Variants in KCNB2 observed in about 807,000 individuals in gnomAD.
KCNB2 encodes the protein delayed rectifier potassium channel protein.
Under a neutral mutation model 61.5 loss-of-function variants are expected in KCNB2, and 15 were observed. The ratio of observed to expected loss-of-function variants is 0.24; its 90% CI spans 0.16 to 0.38. The LOEUF (loss-of-function observed/expected upper bound fraction) is 0.38, where lower values mean the gene tolerates loss of function less well. KCNB2 is among the 10% of genes least tolerant of loss of function. The pLI is 1.00. For synonymous variants in KCNB2, 457 were observed against 446.0 expected (o/e 1.02, Z -0.31); for missense variants, 828 against 1,125.2 (o/e 0.74, Z 3.78).
chr8:72,749,622 A>C (rs982311557), intron 2 of KCNB2, among the ~76,000 whole-genome samples: 6 of 151,068 alleles, frequency 4.0e-5, no homozygotes, highest in African/African-American at 7.3e-5. Flanking sequence ...AACTATTCAG[A>C]CAAGAGAGGT....
intron 2 of KCNB2, among the ~76,000 whole-genome samples, chr8:72,770,844 G>A (rs548482480): frequency 6.6e-6 from 1 of 152,344 alleles, no homozygotes; most frequent in South Asian, 2.1e-4. Flanking sequence ...TATTCATTGT[G>A]TATAAAAGCT....
intron 2 of KCNB2, among the ~76,000 whole-genome samples, chr8:72,629,721 A>G (rs565575816): frequency 4.1e-4 from 63 of 152,312 alleles, no homozygotes; most frequent in South Asian, 1.7e-3. Flanking sequence ...CTGGGTAAGC[A>G]AGAACAACAC....
chr8:72,923,893 A>G (rs1806582180), intron 2 of KCNB2, among the ~76,000 whole-genome samples: 1 of 152,192 alleles, frequency 6.6e-6, no homozygotes, highest in Non-Finnish European at 1.5e-5. Flanking sequence ...AAAAATTGGC[A>G]TTTATACTGA....
intron 2 of KCNB2, among the ~76,000 whole-genome samples, chr8:72,658,242 A>G (rs1323467320): frequency 1.3e-5 from 2 of 152,210 alleles, no homozygotes; most frequent in East Asian, 3.8e-4. Flanking sequence ...TACTCCAGAC[A>G]ACACACAAAT....
chr8:72,695,038 C>T (rs938739137), intron 2 of KCNB2, among the ~76,000 whole-genome samples: 4 of 151,948 alleles, frequency 2.6e-5, no homozygotes, highest in African/African-American at 9.7e-5. Flanking sequence ...AATGATAAAA[C>T]TTCATCATTA....
intron 1 of KCNB2, among the ~76,000 whole-genome samples, chr8:72,562,911 C>T (rs1352428185): frequency 6.6e-6 from 1 of 151,864 alleles, no homozygotes; most frequent in African/African-American, 2.4e-5. Flanking sequence ...AACACAATAC[C>T]CTTACCCACA....
At chr8:72,628,134 A>G (rs1468384114) in intron 2 of KCNB2, among the ~76,000 whole-genome samples, 1 of 152,016 alleles carries the variant, frequency 6.6e-6, no homozygotes, top group Non-Finnish European at 1.5e-5. Flanking sequence ...TTGTATTTTT[A>G]GTAGAAACAG....
At chr8:72,847,661 C>T (rs1296509441) in intron 2 of KCNB2, among the ~76,000 whole-genome samples, 2 of 151,950 alleles carry the variant, frequency 1.3e-5, no homozygotes, top group Non-Finnish European at 2.9e-5. Context: ...CCTAGGAGGC[C>T]CTGGTTTTCT....
intron 2 of KCNB2, among the ~76,000 whole-genome samples, chr8:72,868,098 G>T (rs13251339): frequency 6.8e-6 from 1 of 147,728 alleles, no homozygotes; most frequent in Admixed American, 6.7e-5. Flanking sequence ...TAGAGACAGG[G>T]TCTCACTCCA....
At chr8:72,658,576 A>C (rs1380575401) in intron 2 of KCNB2, among the ~76,000 whole-genome samples, 5 of 152,228 alleles carry the variant, frequency 3.3e-5, no homozygotes, top group African/African-American at 1.2e-4. Context: ...ACACATTTGC[A>C]TTGTAGATGA....
intron 1 of KCNB2, among the ~76,000 whole-genome samples, chr8:72,566,371 C>T (rs1413976914): frequency 1.3e-5 from 2 of 152,048 alleles, no homozygotes; most frequent in Non-Finnish European, 2.9e-5. Context: ...GTGGACAAAA[C>T]CCGAGTTTGG....
chr8:72,673,785 C>T (rs961852098), intron 2 of KCNB2, among the ~76,000 whole-genome samples: 3 of 152,112 alleles, frequency 2.0e-5, no homozygotes, highest in African/African-American at 7.2e-5. Context: ...TTGCCAGGGT[C>T]TGGGGGACAT....
At chr8:72,648,195 G>A (rs1194884784) in intron 2 of KCNB2, among the ~76,000 whole-genome samples, 4 of 152,270 alleles carry the variant, frequency 2.6e-5, no homozygotes, top group Non-Finnish European at 5.9e-5. Flanking sequence ...TGTCTTTATA[G>A]GAGAGAATAT....
chr8:72,854,170 A>G (rs1045508243), intron 2 of KCNB2, among the ~76,000 whole-genome samples: 5 of 152,320 alleles, frequency 3.3e-5, no homozygotes, highest in South Asian at 4.1e-4. Flanking sequence ...TAGTCAAGAA[A>G]GCTATTATGG....
intron 2 of KCNB2, among the ~76,000 whole-genome samples, chr8:72,821,659 A>AAAAAAAAACAAC (rs1554535735): frequency 8.5e-6 from 1 of 117,006 alleles, no homozygotes; most frequent in Non-Finnish European, 1.7e-5. Flanking sequence ...AAAAAAAAAA[A>AAAAAAAAACAAC]ACACACACAC....
chr8:72,727,757 G>C (rs1245767069), intron 2 of KCNB2, among the ~76,000 whole-genome samples: 1 of 152,134 alleles, frequency 6.6e-6, no homozygotes, highest in Non-Finnish European at 1.5e-5. Flanking sequence ...TTAGACAAGA[G>C]ATCATATATC....
At chr8:72,707,880 G>A (rs1563566037) in intron 2 of KCNB2, among the ~76,000 whole-genome samples, 2 of 152,028 alleles carry the variant, frequency 1.3e-5, no homozygotes, top group Non-Finnish European at 2.9e-5. Flanking sequence ...TTTGAGGGCA[G>A]TGCAAAAAAA....
chr8:72,625,098 C>T (rs986781441), intron 2 of KCNB2, among the ~76,000 whole-genome samples: 1 of 152,172 alleles, frequency 6.6e-6, no homozygotes, highest in East Asian at 1.9e-4. Flanking sequence ...GAGACACTAG[C>T]GGGAGACCCA....
At chr8:72,661,482 A>G (rs184625700) in intron 2 of KCNB2, 12 of 152,348 alleles carry the variant, frequency 7.9e-5, no homozygotes, top group African/African-American at 2.6e-4. Flanking sequence ...CATCTTTAGC[A>G]AGAGATCATC....
Sources: allele counts gnomAD v4.1 joint callset (sites outside exome capture counted in the v4.1 genomes callset), GRCh38; gene constraint gnomAD v4.1.1; transcripts MANE v1.5; gene names NCBI Gene and HGNC (gene_info 2026-07-23, HGNC 2026-07-21).